The following EPHA3 variants were observed in gnomAD, a reference collection of about 807,000 sequenced individuals.
EPHA3 encodes the protein EPH receptor A3, also known as ephrin type-A receptor 3.
EPHA3 carries 42 observed loss-of-function variants against 107.1 expected under a neutral mutation model. That is an observed-to-expected ratio of 0.39 (90% CI 0.31 to 0.51). The LOEUF is 0.51. Ranked by LOEUF, EPHA3 falls within the 20% of genes least tolerant of loss-of-function variation. The pLI is 0.78. For synonymous variants in EPHA3, 461 were observed against 424.8 expected, an observed-to-expected ratio of 1.09 and a Z score of -1.05; for missense variants, 1,183 against 1,211.2, an observed-to-expected ratio of 0.98 and a Z score of 0.35.
intron 5 of EPHA3, among the ~76,000 whole-genome samples, chr3:89,344,231 C>G (rs746762856): frequency 7.2e-5 from 11 of 152,198 alleles, no homozygotes; most frequent in Non-Finnish European, 1.3e-4. Flanking sequence ...ACTAATAGTT[C>G]CAAATATACA....
intron 2 of EPHA3, among the ~76,000 whole-genome samples, chr3:89,195,328 T>A (rs972654190): frequency 1.3e-5 from 2 of 151,866 alleles, no homozygotes; most frequent in Admixed American, 1.3e-4. Flanking sequence ...AACTGAAGAG[T>A]TCTGGGTTTG....
intron 5 of EPHA3, among the ~76,000 whole-genome samples, chr3:89,379,249 A>G (rs1708456502): frequency 6.6e-6 from 1 of 152,212 alleles, no homozygotes; most frequent in South Asian, 2.1e-4. Context: ...GGATAAAAAG[A>G]GACTGAGAAG....
intron 3 of EPHA3, among the ~76,000 whole-genome samples, chr3:89,249,240 T>C (rs780373629): frequency 2.2e-4 from 34 of 152,302 alleles, no homozygotes; most frequent in Middle Eastern, 6.8e-3. Context: ...CCTTCCTCAT[T>C]ATTTTATAAG....
intron 3 of EPHA3, among the ~76,000 whole-genome samples, chr3:89,304,317 T>C (rs1302394628): frequency 2.0e-5 from 3 of 152,112 alleles, no homozygotes; most frequent in African/African-American, 7.2e-5. Context: ...GGTGATATTA[T>C]TTGTTAAAAT....
intron 5 of EPHA3, among the ~76,000 whole-genome samples, chr3:89,381,142 T>G (rs564541543): frequency 1.3e-5 from 2 of 151,886 alleles, no homozygotes; most frequent in East Asian, 2.0e-4. Context: ...CTGGCTAATT[T>G]TTTGTATTTT....
chr3:89,291,926 A>G (rs954979604), intron 3 of EPHA3, among the ~76,000 whole-genome samples: 1 of 152,206 alleles, frequency 6.6e-6, no homozygotes, highest in Non-Finnish European at 1.5e-5. Context: ...ATCAATGTCT[A>G]GGAAACAGAG....
chr3:89,196,313 G>T (rs7427745), intron 2 of EPHA3, among the ~76,000 whole-genome samples: 142,697 of 152,198 alleles, frequency 0.94, 66,974 homozygotes, highest in Admixed American at 0.96. Flanking sequence ...TCTGGCTTCC[G>T]TCATTGCTTC....
intron 3 of EPHA3, among the ~76,000 whole-genome samples, chr3:89,211,667 T>A (rs1203438116): frequency 2.9e-3 from 30 of 10,502 alleles, no homozygotes; most frequent in East Asian, 0.017. Context: ...CTCTTCCTCT[T>A]CCTCCTCCTC....
At chr3:89,390,595 G>A (rs1163868283) in intron 5 of EPHA3, among the ~76,000 whole-genome samples, 6 of 82,888 alleles carry the variant, frequency 7.2e-5, no homozygotes, top group East Asian at 7.3e-4. Context: ...GCGAGACTCC[G>A]TTTCCAAAAA....
At chr3:89,391,407 C>CTTTTTTTT in intron 5 of EPHA3, among the ~76,000 whole-genome samples, 3 of 139,064 alleles carry the variant, frequency 2.2e-5, no homozygotes, top group African/African-American at 5.6e-5. Flanking sequence ...CTTTTCTTTT[C>CTTTTTTTT]TTTTCTTTCT....
chr3:89,372,426 T>C (rs577003954), intron 5 of EPHA3, among the ~76,000 whole-genome samples: 176 of 151,670 alleles, frequency 1.2e-3, no homozygotes, highest in African/African-American at 3.8e-3. Context: ...CAGCAGCTTT[T>C]ATTCATATAT....
intron 3 of EPHA3, among the ~76,000 whole-genome samples, chr3:89,329,123 C>T (rs1707235330): frequency 1.3e-5 from 2 of 152,188 alleles, no homozygotes; most frequent in South Asian, 4.1e-4. Flanking sequence ...AAAAGTAACT[C>T]CAAAGGGTTA....
chr3:89,141,166 G>A (rs1704424496), intron 2 of EPHA3, among the ~76,000 whole-genome samples: 2 of 151,472 alleles, frequency 1.3e-5, no homozygotes, highest in Admixed American at 6.6e-5. Flanking sequence ...TATTTCCAAG[G>A]AAATCTTAAA....
At chr3:89,242,557 C>T (rs575695243) in intron 3 of EPHA3, among the ~76,000 whole-genome samples, 1 of 152,136 alleles carries the variant, frequency 6.6e-6, no homozygotes, top group Non-Finnish European at 1.5e-5. Context: ...CCTGCCTCAG[C>T]CTCCCCAGCA....
intron 5 of EPHA3, among the ~76,000 whole-genome samples, chr3:89,394,856 T>C (rs918765207): frequency 2.0e-5 from 3 of 152,232 alleles, no homozygotes; most frequent in African/African-American, 4.8e-5. Context: ...TAGTTTATTT[T>C]GCTGCATTCC....
chr3:89,416,668 C>A (rs902798388), intron 10 of EPHA3, among the ~76,000 whole-genome samples: 2 of 151,082 alleles, frequency 1.3e-5, no homozygotes, highest in Non-Finnish European at 3.0e-5. Flanking sequence ...AATATATTGG[C>A]GGCTATTTCT....
At chr3:89,414,290 C>T (rs1435562595) in intron 10 of EPHA3, among the ~76,000 whole-genome samples, 4 of 151,762 alleles carry the variant, frequency 2.6e-5, no homozygotes, top group Non-Finnish European at 5.9e-5. Context: ...TAGAGCTTCT[C>T]TTCTAATTAT....
chr3:89,478,017 G>A (rs1446392579), intron 16 of EPHA3, among the ~76,000 whole-genome samples: 1 of 152,124 alleles, frequency 6.6e-6, no homozygotes, highest in Non-Finnish European at 1.5e-5. Context: ...ATATTAAATA[G>A]GAGGGTTGGG....
chr3:89,392,748 GA>G (rs1372798720), intron 5 of EPHA3, among the ~76,000 whole-genome samples: 3 of 152,054 alleles, frequency 2.0e-5, no homozygotes, highest in African/African-American at 7.2e-5. Context: ...GAATTTCTAT[GA>G]ATTTGCAAAT....
Sources: gnomAD v4.1 joint callset for allele counts (sites outside exome capture counted in the v4.1 genomes callset) on GRCh38, gnomAD v4.1.1 for gene constraint, MANE v1.5 for transcripts, NCBI Gene and HGNC (gene_info 2026-07-23, HGNC 2026-07-21) for gene names.